The following IL1RAPL2 variants were observed in gnomAD, a reference collection of about 807,000 sequenced individuals.
IL1RAPL2 encodes interleukin 1 receptor accessory protein like 2, also known as X-linked interleukin-1 receptor accessory protein-like 2.
IL1RAPL2 carries 3 observed loss-of-function variants against 44.1 expected under a neutral mutation model. The ratio of observed to expected loss-of-function variants is 0.07; its 90% CI spans 0.03 to 0.18. The LOEUF is 0.18. Among genes scored for constraint, IL1RAPL2 ranks in the 10% least tolerant of loss-of-function variants. IL1RAPL2 has a pLI of 1.00. For synonymous variants in IL1RAPL2, 181 were observed against 178.8 expected, an observed-to-expected ratio of 1.01 and a Z score of -0.10; for missense variants, 391 against 496.4, an observed-to-expected ratio of 0.79 and a Z score of 2.02.
chrX:105,701,664 C>T (rs1434213808), intron 6 of IL1RAPL2, among the ~76,000 whole-genome samples: 2 of 111,402 alleles, frequency 1.8e-5, no homozygotes, highest in Admixed American at 1.9e-4. Flanking sequence ...TTTTAGCTCT[C>T]TCATACTCCA....
chrX:104,782,945 C>A (rs144379784), intron 2 of IL1RAPL2, among the ~76,000 whole-genome samples: 1 of 111,825 alleles, frequency 8.9e-6, no homozygotes, highest in Non-Finnish European at 1.9e-5. Context: ...GGAGAATATG[C>A]GGTAAAGAGT....
intron 2 of IL1RAPL2, among the ~76,000 whole-genome samples, chrX:105,088,013 C>G (rs2032499138): frequency 8.9e-6 from 1 of 112,136 alleles, no homozygotes; most frequent in South Asian, 3.6e-4. Context: ...GTGACATACT[C>G]CATTGCATGA....
intron 5 of IL1RAPL2, among the ~76,000 whole-genome samples, chrX:105,273,233 G>A (rs185025978): frequency 2.3e-4 from 25 of 110,976 alleles, no homozygotes; most frequent in African/African-American, 7.9e-4. Flanking sequence ...ACATATGAGG[G>A]TGGTGTTGGG....
chrX:105,716,935 C>A (rs770192052), intron 6 of IL1RAPL2, among the ~76,000 whole-genome samples: 1 of 111,588 alleles, frequency 9.0e-6, no homozygotes, highest in South Asian at 3.8e-4. Flanking sequence ...AAGGAGGCAG[C>A]AAAAATAAAC....
chrX:104,620,938 TAATA>T (rs1929383913), intron 1 of IL1RAPL2, among the ~76,000 whole-genome samples: 1 of 102,026 alleles, frequency 9.8e-6, no homozygotes, highest in Admixed American at 1.1e-4. Flanking sequence ...ATTTATATAA[TAATA>T]TAATATATAA....
rs780536606 is a variant in IL1RAPL2 at position 105,755,265 on chromosome X, T to C, written c.1281T>C (p.Ala427=). The C allele has an allele frequency of 6.7e-6, 8 of 1,195,626 alleles. No individual in the cohort carries two copies. The highest frequency in any genetic ancestry group is 9.1e-6 in the Non-Finnish European group (8 of 882,129). ...ACAATCCTGAAGAAGAGCAGTTTGC[T>C]CTTGAAGTACTGCCAGATGTCCTGG... ...DCDNPEEEQF[A]LEVLPDVLEK... The change falls in exon 10 of 11, where the codon GCT becomes GCC. Residue 427 remains alanine, a synonymous_variant. Transcript: ENST00000372582.
chrX:105,558,210 T>TGTGTCTCAAAATCTTTTC (rs1168283269), intron 6 of IL1RAPL2, among the ~76,000 whole-genome samples: 25 of 111,591 alleles, frequency 2.2e-4, no homozygotes, highest in African/African-American at 7.1e-4. Context: ...TGTGACTTTT[T>TGTGTCTCAAAATCTTTTC]GTGTCTCAAA....
intron 5 of IL1RAPL2, among the ~76,000 whole-genome samples, chrX:105,447,932 A>T (rs981620957): frequency 4.1e-5 from 4 of 97,658 alleles, no homozygotes; most frequent in African/African-American, 1.1e-4. Flanking sequence ...TAAATATATT[A>T]AAATATGTTA....
intron 2 of IL1RAPL2, among the ~76,000 whole-genome samples, chrX:104,950,084 C>T (rs190810667): frequency 9.0e-5 from 10 of 111,205 alleles, no homozygotes; most frequent in African/African-American, 2.9e-4. Flanking sequence ...CAAGGACTTG[C>T]TTTATGAATC....
chrX:104,623,419 C>T (rs1929437251), intron 1 of IL1RAPL2, among the ~76,000 whole-genome samples: 1 of 111,124 alleles, frequency 9.0e-6, no homozygotes, highest in Non-Finnish European at 1.9e-5. Flanking sequence ...TTTGCTCTTG[C>T]TAGTTAAGAG....
rs367920752 is a variant in IL1RAPL2, at chrX:105,404,014, T to G, written c.698-80299T>G. Among the ~76,000 whole-genome samples, 20 of 112,419 alleles carry G rather than the reference T, an allele frequency of 1.8e-4. No individual in the cohort carries two copies. In the East Asian group the frequency reaches 5.1e-3, roughly 28 times the overall value. On this transcript the variant is annotated intron_variant, in intron 5 of 10. Transcript: ENST00000372582. ...TTCTTATAGATGGTATACAGCCTGG[T>G]GCTTCTCCCTTCCAAAGTGCCTTAT...
intron 5 of IL1RAPL2, among the ~76,000 whole-genome samples, chrX:105,447,324 TATATATAAAA>T (rs1238933247): frequency 3.2e-5 from 2 of 63,157 alleles, no homozygotes. Context: ...TATATATAAA[TATATATAAAA>T]ATATAAATAT....
intron 1 of IL1RAPL2, among the ~76,000 whole-genome samples, chrX:104,611,836 CAAAAAAAAAA>C (rs57729757): frequency 5.0e-5 from 2 of 39,956 alleles, no homozygotes; most frequent in African/African-American, 2.0e-4. Flanking sequence ...GACTCCATCT[CAAAAAAAAAA>C]AAAAAAAAAA....
chrX:104,976,262 A>G (rs2030332896), intron 2 of IL1RAPL2, among the ~76,000 whole-genome samples: 1 of 111,151 alleles, frequency 9.0e-6, no homozygotes, highest in African/African-American at 3.3e-5. Context: ...CATTGTCTCC[A>G]TGACTAATAA....
chrX:105,750,376 C>G (rs192951446), intron 9 of IL1RAPL2, among the ~76,000 whole-genome samples: 5,270 of 102,827 alleles, frequency 0.051, 369 homozygotes, highest in African/African-American at 0.17. Context: ...TGTACTCAAG[C>G]AATCCTCCTG....
intron 2 of IL1RAPL2, among the ~76,000 whole-genome samples, chrX:105,042,057 A>T (rs1246551799): frequency 1.1e-4 from 12 of 111,298 alleles, no homozygotes; most frequent in African/African-American, 3.9e-4. Context: ...CCTTCCTTAC[A>T]CCTTATATAA....
intron 2 of IL1RAPL2, among the ~76,000 whole-genome samples, chrX:105,144,849 A>T (rs1411497194): frequency 9.0e-6 from 1 of 111,161 alleles, no homozygotes; most frequent in South Asian, 3.8e-4. Flanking sequence ...TTTCTCAGGG[A>T]TTCTTTCACT....
intron 2 of IL1RAPL2, among the ~76,000 whole-genome samples, chrX:104,759,196 A>C (rs1335765286): frequency 1.8e-5 from 2 of 112,654 alleles, no homozygotes; most frequent in Non-Finnish European, 3.8e-5. Context: ...TTGAGATCTT[A>C]CAGAATGAAT....
intron 2 of IL1RAPL2, among the ~76,000 whole-genome samples, chrX:105,021,311 A>G (rs147137570): frequency 2.7e-5 from 3 of 111,270 alleles, no homozygotes; most frequent in Admixed American, 9.6e-5. Flanking sequence ...GTCAGGGAAA[A>G]TTACACTGAG....
Sources: allele counts gnomAD v4.1 joint callset (sites outside exome capture counted in the v4.1 genomes callset), GRCh38; gene constraint gnomAD v4.1.1; transcripts MANE v1.5; gene names NCBI Gene and HGNC (gene_info 2026-07-23, HGNC 2026-07-21).